The following SESTD1 variants were observed in gnomAD, a reference collection of about 807,000 sequenced individuals.
SESTD1 encodes SEC14 domain and spectrin repeat-containing protein 1.
SESTD1 carries 43 observed loss-of-function variants against 101.7 expected under a neutral mutation model. The observed-to-expected ratio is 0.42, with a 90% CI of 0.33 to 0.55. SESTD1 has a LOEUF of 0.55. Ranked by LOEUF, SESTD1 falls within the 20% of genes least tolerant of loss-of-function variation. The pLI, the probability that SESTD1 is intolerant of heterozygous loss-of-function variation, is 0.07. For missense variants in SESTD1, 647 were observed against 815.1 expected (o/e 0.79, Z 2.51); for synonymous variants, 283 against 286.8 (o/e 0.99, Z 0.13).
In SESTD1 at chr2:179,151,266, T is replaced by A. The variant is rs1195365451; in HGVS notation, c.483+12A>T. The A allele has an allele frequency of 6.5e-7, 1 of 1,531,132 alleles. No individual in the cohort carries two copies. The highest frequency in any genetic ancestry group is 1.4e-5 in the African/African-American group (1 of 72,070). The allele number at this position is 1,531,132 out of a possible 1,614,324, so 94.8% of individuals were successfully genotyped here. ...TATGCAATAACATTTTATCTCATTG[T>A]AATATACCAACCAGCCTCTTATTTA... On this transcript the variant is annotated intron_variant, in intron 6 of 17. Transcript: ENST00000428443.
In SESTD1 at chr2:179,104,811, T is replaced by C. The variant is rs980437479; in HGVS notation, c.*5088A>G. 1.3e-5 allele frequency: 2 copies of C among 152,146 alleles called. No individual in the cohort carries two copies. Among genetic ancestry groups the C allele is most frequent in the African/African-American group, 4.8e-5 (2 of 41,438 alleles). The allele number at this position is 152,146 out of a possible 1,614,324, so 9.4% of individuals were successfully genotyped here. On this transcript the variant is annotated 3_prime_UTR_variant, in exon 18 of 18. Coordinates refer to ENST00000428443, the MANE Select transcript of SESTD1 (RefSeq NM_178123.5). ...TCTCCAAAAAAAATCTTTAAAAATG[T>C]GCCCACTGCTTTCAAAATATTTCAT...
In SESTD1 at chr2:179,210,812, T is replaced by C. The variant is rs188281525; in HGVS notation, c.-25-18946A>G. On this transcript the variant is annotated intron_variant, in intron 1 of 17. Coordinates refer to ENST00000428443, the MANE Select transcript of SESTD1 (RefSeq NM_178123.5). The stretch of plus-strand genomic sequence containing the variant: ...CCAATTTAACCATTTCCATTCAACA[T>C]AATACTGGAAGTCCTAGCCAGAGCA... 2.2e-4 allele frequency among the ~76,000 whole-genome samples: 29 copies of C among 134,230 alleles called. 8 individuals carry two copies. Among genetic ancestry groups the C allele is most frequent in the African/African-American group, 8.5e-4 (29 of 33,942 alleles). 88.1% of individuals were successfully genotyped at this position (134,230 alleles called of 152,430 possible). A position where few individuals can be genotyped will look rare whatever the true frequency, so the allele number is the denominator to read the frequency against.
chr2:179,244,016 TG>T (rs2047193749), intron 1 of SESTD1, among the ~76,000 whole-genome samples: 1 of 151,004 alleles, frequency 6.6e-6, no homozygotes, highest in African/African-American at 2.4e-5. Flanking sequence ...CCTAGCTACT[TG>T]GGAGGCTCCA....
chr2:179,261,544 T>C (rs1160247872), intron 1 of SESTD1, among the ~76,000 whole-genome samples: 1 of 151,946 alleles, frequency 6.6e-6, no homozygotes, highest in Non-Finnish European at 1.5e-5. Flanking sequence ...AAATGGCCAA[T>C]AAAAACATGA....
intron 1 of SESTD1, among the ~76,000 whole-genome samples, chr2:179,228,701 ATCC>A (rs1303654909): frequency 6.6e-6 from 1 of 152,222 alleles, no homozygotes; most frequent in African/African-American, 2.4e-5. Flanking sequence ...GTAAATACAA[ATCC>A]TCCAATATAA....
intron 1 of SESTD1, among the ~76,000 whole-genome samples, chr2:179,207,178 A>C (rs1574036278): frequency 7.4e-6 from 1 of 134,714 alleles, no homozygotes; most frequent in East Asian, 2.0e-4. Context: ...CGGAGAAACC[A>C]AAGTACTCAT....
rs541851419 is a variant in SESTD1, at chr2:179,169,143, A to G, written c.369+2977T>C. On this transcript the variant is annotated intron_variant, in intron 5 of 17. Coordinates refer to ENST00000428443, the MANE Select transcript of SESTD1 (RefSeq NM_178123.5). ...GCATTAAATATAAATAGTCTTACCC[A>G]TGAAAAGACAGAGATTGTTAAACTG... Among the ~76,000 whole-genome samples, 6 of 152,304 alleles carry G rather than the reference A, an allele frequency of 3.9e-5. No individual in the cohort carries two copies. In the East Asian group the frequency reaches 1.2e-3, roughly 29 times the overall value.
Position 179,236,898 on chromosome 2 carries a change from C to T in SESTD1, c.-26+27601G>A, listed in dbSNP as rs140339018. Among the ~76,000 whole-genome samples the T allele has an allele frequency of 3.2e-4, 49 of 151,088 alleles. No homozygotes were observed. The East Asian group carries it at 7.4e-3, about 23-fold the overall frequency. ...AACCATATTTTACCAAGTAGTTTTACTTGGTAATATTTAATTACAAGGATC... is the reference window on the plus strand; with the variant it reads ...AACCATATTTTACCAAGTAGTTTTATTTGGTAATATTTAATTACAAGGATC... On this transcript the variant is annotated intron_variant, in intron 1 of 17. Coordinates refer to ENST00000428443, the MANE Select transcript of SESTD1 (RefSeq NM_178123.5).
At chr2:179,195,842 G>C (rs1040464942) in intron 1 of SESTD1, among the ~76,000 whole-genome samples, 5 of 149,662 alleles carry the variant, frequency 3.3e-5, no homozygotes, top group Admixed American at 1.3e-4. Context: ...GGGAAAGGAA[G>C]GTTATTTAAA....
intron 5 of SESTD1, among the ~76,000 whole-genome samples, chr2:179,166,281 G>C (rs2045833054): frequency 6.6e-6 from 1 of 152,120 alleles, no homozygotes; most frequent in Admixed American, 6.6e-5. Flanking sequence ...GCCTCTCTTG[G>C]AGCACAAGCC....
chr2:179,131,493 T>C (rs544203698), intron 10 of SESTD1, among the ~76,000 whole-genome samples: 2 of 152,284 alleles, frequency 1.3e-5, no homozygotes, highest in African/African-American at 4.8e-5. Flanking sequence ...ACCACCTTTT[T>C]TAAGACAACC....
intron 1 of SESTD1, among the ~76,000 whole-genome samples, chr2:179,256,040 C>T (rs907692509): frequency 9.2e-5 from 14 of 152,072 alleles, no homozygotes; most frequent in Non-Finnish European, 1.3e-4. Flanking sequence ...AAAAAGATTC[C>T]TTTCAAAATA....
In SESTD1 at chr2:179,103,429, T is replaced by C. The variant is rs973668112; in HGVS notation, c.*6470A>G. 6.6e-6 allele frequency: 1 copy of C among 152,028 alleles called. No homozygotes were observed. The highest frequency in any genetic ancestry group is 1.5e-5 in the Non-Finnish European group (1 of 67,992). The allele number at this position is 152,028 out of a possible 1,614,324, so 9.4% of individuals were successfully genotyped here. A position where few individuals can be genotyped will look rare whatever the true frequency, so the allele number is the denominator to read the frequency against. On this transcript the variant is annotated 3_prime_UTR_variant, in exon 18 of 18. Coordinates refer to ENST00000428443, the MANE Select transcript of SESTD1 (RefSeq NM_178123.5). Reference sequence around the variant, plus strand: ...CTACCCTGTGACCCAGCAATTCTAATCCAAGGAATTTACTGCAAAGAAATG... The same window carrying C: ...CTACCCTGTGACCCAGCAATTCTAACCCAAGGAATTTACTGCAAAGAAATG...
intron 1 of SESTD1, among the ~76,000 whole-genome samples, chr2:179,253,711 A>C (rs372236815): frequency 6.6e-6 from 1 of 152,198 alleles, no homozygotes; most frequent in African/African-American, 2.4e-5. Context: ...GAAAGAATAC[A>C]TAAGAATCTG....
At chr2:179,192,519 T>G (rs546991330) in intron 1 of SESTD1, among the ~76,000 whole-genome samples, 15 of 152,340 alleles carry the variant, frequency 9.8e-5, no homozygotes, top group African/African-American at 2.6e-4. Flanking sequence ...GGGAAAAATT[T>G]GATTAGGCCA....
intron 2 of SESTD1, among the ~76,000 whole-genome samples, chr2:179,185,466 C>T (rs1241360199): frequency 7.2e-6 from 1 of 139,408 alleles, no homozygotes; most frequent in Non-Finnish European, 1.5e-5. Flanking sequence ...ATATGATATA[C>T]TATATATTAC....
At chr2:179,122,580 C>T (rs2044777349) in intron 12 of SESTD1, among the ~76,000 whole-genome samples, 1 of 152,016 alleles carries the variant, frequency 6.6e-6, no homozygotes, top group Admixed American at 6.6e-5. Context: ...ATGTATTATG[C>T]ATACCATCTG....
intron 1 of SESTD1, among the ~76,000 whole-genome samples, chr2:179,211,278 A>T (rs2046647545): frequency 7.6e-6 from 1 of 131,776 alleles, no homozygotes. Context: ...TCAAAATACC[A>T]TCATCATTCT....
intron 1 of SESTD1, among the ~76,000 whole-genome samples, chr2:179,200,646 A>C (rs559573837): frequency 1.3e-5 from 2 of 151,462 alleles, no homozygotes; most frequent in Admixed American, 1.3e-4. Flanking sequence ...ATCTTTGACA[A>C]ACCTGAGAAA....
Sources: allele counts gnomAD v4.1 joint callset (sites outside exome capture counted in the v4.1 genomes callset), GRCh38; gene constraint gnomAD v4.1.1; transcripts MANE v1.5; gene names NCBI Gene and HGNC (gene_info 2026-07-23, HGNC 2026-07-21).